KATNBL1: variants seen among roughly 807,000 people sequenced by gnomAD.
The protein encoded by KATNBL1 is KATNB1-like protein 1.
KATNBL1 carries 28 observed loss-of-function variants against 44.7 expected under a neutral mutation model. That is an observed-to-expected ratio of 0.63 (90% confidence interval 0.46 to 0.86). The LOEUF is 0.86. KATNBL1 is among the 40% of genes least tolerant of loss of function. KATNBL1 has a pLI of 0.00. For synonymous variants in KATNBL1, 78 were observed against 114.9 expected (o/e 0.68, Z 2.06); for missense variants, 272 against 350.7 (o/e 0.78, Z 1.79).
At chr15:34,150,322 G>C (rs906406837) in intron 4 of KATNBL1, among the ~76,000 whole-genome samples, 1 of 152,208 alleles carries the variant, frequency 6.6e-6, no homozygotes, top group African/African-American at 2.4e-5. Context: ...CAGGCACAGT[G>C]GCTCACACCT....
At chr15:34,174,408 A>C (rs1175572365) in intron 1 of KATNBL1, among the ~76,000 whole-genome samples, 1 of 152,196 alleles carries the variant, frequency 6.6e-6, no homozygotes, top group African/African-American at 2.4e-5. Context: ...CCAACAAATA[A>C]AACCAGGGAA....
intron 2 of KATNBL1, among the ~76,000 whole-genome samples, chr15:34,155,616 G>C (rs918232257): frequency 2.6e-5 from 4 of 152,150 alleles, no homozygotes; most frequent in Admixed American, 1.3e-4. Flanking sequence ...GGGCGGTATT[G>C]TTTGGGATGA....
chr15:34,198,045 G>A (rs149125388), intron 1 of KATNBL1, among the ~76,000 whole-genome samples: 2 of 152,170 alleles, frequency 1.3e-5, no homozygotes, highest in South Asian at 2.1e-4. Flanking sequence ...GTGAGCCACC[G>A]CACCCAGCCG....
intron 1 of KATNBL1, among the ~76,000 whole-genome samples, chr15:34,203,370 T>C: frequency 9.2e-6 from 1 of 109,174 alleles, no homozygotes; most frequent in East Asian, 2.0e-4. Context: ...TCCTTTAGAC[T>C]ATATAATAGC....
chr15:34,148,592 A>G, intron 5 of KATNBL1, 40 bp downstream of exon 5: 2 of 1,199,664 alleles, frequency 1.7e-6, no homozygotes, highest in Non-Finnish European at 2.5e-6. Context: ...TGTCTCAGAA[A>G]AAAAGTGATT....
chr15:34,164,458 C>T (rs1277602503), intron 1 of KATNBL1, among the ~76,000 whole-genome samples: 1 of 151,950 alleles, frequency 6.6e-6, no homozygotes, highest in Admixed American at 6.6e-5. Context: ...TTGTCCTATG[C>T]CTAATCCTTA....
At chr15:34,199,759 T>C (rs1890124640) in intron 1 of KATNBL1, 1 of 152,174 alleles carries the variant, frequency 6.6e-6, no homozygotes, top group African/African-American at 2.4e-5. Flanking sequence ...AGGACCTTCG[T>C]GGCAAGTGTT....
At chr15:34,188,137 T>TAAAAAAAAACAAAAAAAAAAAAAAAAAA (rs1889769573) in intron 1 of KATNBL1, among the ~76,000 whole-genome samples, 1 of 22,084 alleles carries the variant, frequency 4.5e-5, no homozygotes, top group African/African-American at 1.5e-4. Context: ...AGACGCCATG[T>TAAAAAAAAACAAAAAAAAAAAAAAAAAA]AAAAAAAAAA....
chr15:34,200,963 C>A (rs1292947367), intron 1 of KATNBL1, among the ~76,000 whole-genome samples: 1 of 152,120 alleles, frequency 6.6e-6, no homozygotes, highest in Non-Finnish European at 1.5e-5. Flanking sequence ...ATTACAGGTG[C>A]ACACCACCAC....
intron 1 of KATNBL1, among the ~76,000 whole-genome samples, chr15:34,172,376 C>A (rs1035594770): frequency 6.7e-6 from 1 of 149,386 alleles, no homozygotes; most frequent in Admixed American, 6.9e-5. Context: ...CCTGCCTCAG[C>A]CTCCTGAGTA....
At chr15:34,187,047 T>C (rs1204630980) in intron 1 of KATNBL1, among the ~76,000 whole-genome samples, 1 of 152,146 alleles carries the variant, frequency 6.6e-6, no homozygotes, top group Non-Finnish European at 1.5e-5. Flanking sequence ...AGGACAAAGA[T>C]GGCAGAGAGA....
intron 1 of KATNBL1, chr15:34,208,420 T>C (rs912422131): frequency 1.3e-5 from 2 of 152,384 alleles, no homozygotes; most frequent in East Asian, 3.9e-4. Context: ...AACTGCTGAT[T>C]TCTTACTAAG....
chr15:34,151,258 G>T (rs1304561826), intron 4 of KATNBL1, among the ~76,000 whole-genome samples: 1 of 151,840 alleles, frequency 6.6e-6, no homozygotes, highest in African/African-American at 2.4e-5. Flanking sequence ...ATTATTTTTT[G>T]ACTTTTTAAT....
At position 34,163,597 on chromosome 15, in the gene KATNBL1, T is replaced by C; in HGVS notation, c.80A>G (p.Lys27Arg). 1 of 1,597,994 alleles carries C rather than the reference T, an allele frequency of 6.3e-7. No individual in the cohort carries two copies. Among genetic ancestry groups the C allele is most frequent in the East Asian group, 2.3e-5 (1 of 44,386 alleles). ...IEDHFIDLPR[K>R]KISNFTNKNM... ...CTTATTAGTGAAATTAGAGATCTTT[T>C]TTCTAGGAAGATCAATGAAATGATC... Residue 27 changes from lysine to arginine, a missense_variant, in exon 2 of 10, where the codon AAA becomes AGA. Coordinates refer to ENST00000256544, the MANE Select transcript of KATNBL1 (RefSeq NM_024713.3).
intron 3 of KATNBL1, among the ~76,000 whole-genome samples, chr15:34,153,728 G>A (rs1390931644): frequency 6.6e-6 from 1 of 152,088 alleles, no homozygotes; most frequent in East Asian, 1.9e-4. Flanking sequence ...GCGCCACCAT[G>A]CTGAACTAAC....
At chr15:34,209,880 CG>C (rs1327106275) in intron 1 of KATNBL1, 70 bp downstream of exon 1, 1 of 151,304 alleles carries the variant, frequency 6.6e-6, no homozygotes, top group African/African-American at 2.4e-5. Flanking sequence ...CGGCCAAGCC[CG>C]GCTGGAGTAG....
intron 2 of KATNBL1, chr15:34,154,918 C>T (rs965512798): frequency 2.5e-4 from 129 of 518,674 alleles, no homozygotes; most frequent in Middle Eastern, 1.1e-3. Flanking sequence ...AGGGTTGGAC[C>T]GCACAGTCTA....
At chr15:34,181,756 A>G in intron 1 of KATNBL1, among the ~76,000 whole-genome samples, 1 of 138,408 alleles carries the variant, frequency 7.2e-6, no homozygotes, top group African/African-American at 2.7e-5. Context: ...GTCCATATAT[A>G]TATCCATATA....
chr15:34,205,290 A>T (rs780972703), intron 1 of KATNBL1, among the ~76,000 whole-genome samples: 3 of 152,150 alleles, frequency 2.0e-5, no homozygotes, highest in Non-Finnish European at 4.4e-5. Context: ...CTGTGCCTGA[A>T]GAGTGCCAGT....
Sources: gnomAD v4.1 joint callset for allele counts (sites outside exome capture counted in the v4.1 genomes callset) on GRCh38, gnomAD v4.1.1 for gene constraint, MANE v1.5 for transcripts, NCBI Gene and HGNC (gene_info 2026-07-23, HGNC 2026-07-21) for gene names.